The following GPC5 variants were observed in gnomAD, a reference collection of about 807,000 sequenced individuals.
GPC5 encodes the protein glypican 5.
GPC5 carries 47 observed loss-of-function variants against 53.9 expected under a neutral mutation model. That is an observed-to-expected ratio of 0.87 (90% CI 0.69 to 1.11). The LOEUF (loss-of-function observed/expected upper bound fraction) is 1.11. Among genes scored for constraint, GPC5 ranks in the 50% most tolerant of loss-of-function variants. The pLI, the probability that GPC5 is intolerant of heterozygous loss-of-function variation, is 0.00. For missense variants in GPC5, 748 were observed against 713.1 expected (o/e 1.05, Z -0.56); for synonymous variants, 286 against 263.3 (o/e 1.09, Z -0.84).
chr13:91,824,226 T>C (rs537925710), intron 5 of GPC5, among the ~76,000 whole-genome samples: 1 of 152,006 alleles, frequency 6.6e-6, no homozygotes, highest in African/African-American at 2.4e-5. Context: ...TGAAATCAAT[T>C]CAACAAAAAT....
chr13:92,748,570 C>T (rs1889301113), intron 7 of GPC5, among the ~76,000 whole-genome samples: 1 of 151,930 alleles, frequency 6.6e-6, no homozygotes, highest in Admixed American at 6.6e-5. Flanking sequence ...ATCCACCTGC[C>T]TCGGCCTCCC....
intron 2 of GPC5, among the ~76,000 whole-genome samples, chr13:91,655,824 C>T (rs2034832078): frequency 6.6e-6 from 1 of 152,072 alleles, no homozygotes; most frequent in Non-Finnish European, 1.5e-5. Flanking sequence ...AATGTAGATA[C>T]CTGCTAGTCT....
chr13:91,626,776 C>A (rs1007406448), intron 2 of GPC5, among the ~76,000 whole-genome samples: 25 of 152,016 alleles, frequency 1.6e-4, no homozygotes, highest in African/African-American at 5.8e-4. Flanking sequence ...CCCATTAACT[C>A]GTCATTTACA....
At chr13:92,083,277 T>C (rs2041310717) in intron 6 of GPC5, among the ~76,000 whole-genome samples, 1 of 152,150 alleles carries the variant, frequency 6.6e-6, no homozygotes, top group Non-Finnish European at 1.5e-5. Flanking sequence ...TGTCCAGCAG[T>C]GACATTCTCT....
chr13:92,612,311 TA>T (rs1259438968), intron 7 of GPC5, among the ~76,000 whole-genome samples: 1 of 152,128 alleles, frequency 6.6e-6, no homozygotes, highest in African/African-American at 2.4e-5. Flanking sequence ...AAATGTTCCA[TA>T]AATATTGAGT....
intron 7 of GPC5, among the ~76,000 whole-genome samples, chr13:92,632,983 G>A (rs9561096): frequency 7.9e-5 from 12 of 151,882 alleles, no homozygotes; most frequent in South Asian, 2.1e-4. Flanking sequence ...CTCTGTCTCC[G>A]GGGTTCAAGC....
At position 91,638,388 on chromosome 13, in the gene GPC5, C is replaced by T. The variant is rs117630701; in HGVS notation, c.326-54799C>T. ...TTCTTTTTTTTTTCTTTTTTTGAGA[C>T]GGAGTTTCACCATGATGCCCAGGCT... is the stretch of plus-strand genomic sequence containing the variant. On this transcript the variant is annotated intron_variant, in intron 2 of 7. Coordinates refer to ENST00000377067, the MANE Select transcript of GPC5 (RefSeq NM_004466.6). Among the ~76,000 whole-genome samples the T allele has an allele frequency of 1.3e-3, 196 of 149,722 alleles. 3 individuals are homozygous for T. In the East Asian group the frequency reaches 0.031, roughly 23 times the overall value.
intron 7 of GPC5, among the ~76,000 whole-genome samples, chr13:92,690,647 G>A (rs1047797253): frequency 1.3e-4 from 19 of 145,374 alleles, no homozygotes; most frequent in Non-Finnish European, 2.4e-4. Context: ...GGCGCTCTGC[G>A]TTTTACAGTT....
At chr13:91,708,110 T>C (rs770125211) in intron 3 of GPC5, among the ~76,000 whole-genome samples, 11 of 152,094 alleles carry the variant, frequency 7.2e-5, no homozygotes, top group Non-Finnish European at 1.5e-4. Flanking sequence ...CCTCAAGCGA[T>C]TGGGACCTCA....
At chr13:91,748,944 G>A (rs2037110135) in intron 4 of GPC5, among the ~76,000 whole-genome samples, 1 of 152,110 alleles carries the variant, frequency 6.6e-6, no homozygotes, top group Admixed American at 6.5e-5. Flanking sequence ...TGGTGTGTGT[G>A]AATAGAGAGA....
At chr13:92,248,016 G>GA (rs894653107) in intron 7 of GPC5, among the ~76,000 whole-genome samples, 9 of 151,664 alleles carry the variant, frequency 5.9e-5, no homozygotes, top group Non-Finnish European at 1.2e-4. Context: ...AACACTATGA[G>GA]AAAAAAAATG....
At chr13:92,400,334 A>G (rs937166255) in intron 7 of GPC5, among the ~76,000 whole-genome samples, 8 of 152,232 alleles carry the variant, frequency 5.3e-5, no homozygotes, top group African/African-American at 1.7e-4. Context: ...CAGTAGCAAC[A>G]CTACAGCAAC....
chr13:92,337,726 T>C (rs1381360334), intron 7 of GPC5, among the ~76,000 whole-genome samples: 3 of 152,084 alleles, frequency 2.0e-5, no homozygotes, highest in Non-Finnish European at 2.9e-5. Flanking sequence ...TTTCAAGAAA[T>C]GATGCTGGAA....
chr13:91,528,112 T>C (rs1886170988), intron 2 of GPC5, among the ~76,000 whole-genome samples: 1 of 152,210 alleles, frequency 6.6e-6, no homozygotes, highest in Non-Finnish European at 1.5e-5. Flanking sequence ...CCAGCAGACT[T>C]GAATTTCTCC....
At chr13:92,305,134 G>C (rs1363420503) in intron 7 of GPC5, among the ~76,000 whole-genome samples, 4 of 152,064 alleles carry the variant, frequency 2.6e-5, no homozygotes, top group Non-Finnish European at 5.9e-5. Context: ...TACTAAGAAT[G>C]TCCTATTGTC....
chr13:91,899,976 GTTC>G (rs999974830), intron 5 of GPC5, among the ~76,000 whole-genome samples: 7 of 152,064 alleles, frequency 4.6e-5, no homozygotes, highest in African/African-American at 1.7e-4. Context: ...TAATTCAGAA[GTTC>G]TTCTTGGTTT....
At chr13:92,655,993 G>C (rs1386010150) in intron 7 of GPC5, among the ~76,000 whole-genome samples, 2 of 152,040 alleles carry the variant, frequency 1.3e-5, no homozygotes, top group Non-Finnish European at 2.9e-5. Flanking sequence ...CAATTTCCCT[G>C]ACTTCAAGGA....
chr13:91,914,004 T>C (rs1253964625), intron 6 of GPC5, among the ~76,000 whole-genome samples: 5 of 152,192 alleles, frequency 3.3e-5, no homozygotes, highest in Admixed American at 6.5e-5. Context: ...ATTGAGGAAA[T>C]GCGAGAGCCT....
chr13:92,421,698 CAAAAAA>C lies in GPC5; in HGVS notation c.1561+276726_1561+276731del, dbSNP rs34055682. 3.7e-4 allele frequency among the ~76,000 whole-genome samples: 26 copies of C among 69,486 alleles called. 1 individual carries two copies. The highest frequency in any genetic ancestry group is 1.5e-3 in the African/African-American group (24 of 15,992). The allele number at this position is 69,486 out of a possible 152,430, so 45.6% of individuals were successfully genotyped here. A position where few individuals can be genotyped will look rare whatever the true frequency, so the allele number is the denominator to read the frequency against. ...TGTGCCACAGAGCAAGACTCCGTCTCAAAAAAAAAAAAAAAAAAAAAAGTTTAATTG... is the reference window on the plus strand; with the variant it reads ...TGTGCCACAGAGCAAGACTCCGTCTCAAAAAAAAAAAAAAAAGTTTAATTG... On this transcript the variant is annotated intron_variant, in intron 7 of 7. Coordinates refer to ENST00000377067, the MANE Select transcript of GPC5 (RefSeq NM_004466.6).
Sources: gnomAD v4.1 joint callset for allele counts (sites outside exome capture counted in the v4.1 genomes callset) on GRCh38, gnomAD v4.1.1 for gene constraint, MANE v1.5 for transcripts, NCBI Gene and HGNC (gene_info 2026-07-23, HGNC 2026-07-21) for gene names.